The following HPSE2 variants were observed in gnomAD, a reference collection of about 807,000 sequenced individuals.
HPSE2 encodes the protein inactive heparanase-2.
In HPSE2, 38 loss-of-function variants were observed where a neutral mutation model predicts 60.5. That is an observed-to-expected ratio of 0.63 (90% confidence interval 0.48 to 0.82). HPSE2 has a LOEUF of 0.82. HPSE2 is among the 40% of genes least tolerant of loss of function. The pLI is 0.00. For synonymous variants in HPSE2, 295 were observed against 293.2 expected, an observed-to-expected ratio of 1.01 and a Z score of -0.06; for missense variants, 713 against 740.4, an observed-to-expected ratio of 0.96 and a Z score of 0.43.
intron 3 of HPSE2, among the ~76,000 whole-genome samples, chr10:98,969,469 G>A (rs1354868575): frequency 2.0e-5 from 3 of 152,120 alleles, no homozygotes; most frequent in African/African-American, 4.8e-5. Context: ...AATAGGAAAG[G>A]GAAAATCCCA....
At chr10:98,987,504 A>C (rs1228654524) in intron 3 of HPSE2, among the ~76,000 whole-genome samples, 1 of 152,222 alleles carries the variant, frequency 6.6e-6, no homozygotes, top group Non-Finnish European at 1.5e-5. Flanking sequence ...CAAAATAATA[A>C]GAGCTATCTA....
chr10:98,577,924 C>G (rs1564983276), intron 9 of HPSE2, among the ~76,000 whole-genome samples: 1 of 152,122 alleles, frequency 6.6e-6, no homozygotes, highest in African/African-American at 2.4e-5. Flanking sequence ...GTTAAGAAAC[C>G]TTTTCAGGAA....
intron 2 of HPSE2, among the ~76,000 whole-genome samples, chr10:99,149,495 C>T (rs1422579312): frequency 1.3e-5 from 2 of 152,186 alleles, no homozygotes; most frequent in African/African-American, 4.8e-5. Flanking sequence ...CACTAAATCT[C>T]TCAATGCATT....
At chr10:98,949,594 C>G (rs565027460) in intron 3 of HPSE2, among the ~76,000 whole-genome samples, 1 of 152,212 alleles carries the variant, frequency 6.6e-6, no homozygotes, top group African/African-American at 2.4e-5. Context: ...ATTCCTGAGC[C>G]TCAATTGCAC....
At position 98,899,072 on chromosome 10, in the gene HPSE2, T is replaced by C. The variant is rs367845221; in HGVS notation, c.611-155016A>G. On this transcript the variant is annotated intron_variant, in intron 3 of 11. Coordinates refer to ENST00000370552, the MANE Select transcript of HPSE2 (RefSeq NM_021828.5). ...GAAAAACTTTGTGCCTTGGCTTAGA[T>C]AAATTTTTTCTGCAAAGGGCAAAAA... 1.1e-4 allele frequency among the ~76,000 whole-genome samples: 16 copies of C among 152,362 alleles called. No homozygotes were observed. In the East Asian group the frequency reaches 1.5e-3, roughly 15 times the overall value.
intron 9 of HPSE2, among the ~76,000 whole-genome samples, chr10:98,519,667 T>C (rs561454449): frequency 3.3e-5 from 5 of 152,332 alleles, no homozygotes; most frequent in African/African-American, 9.6e-5. Context: ...TGCTAGCATC[T>C]TTCTGGCTAC....
intron 6 of HPSE2, among the ~76,000 whole-genome samples, chr10:98,664,116 C>A (rs1947296899): frequency 6.6e-6 from 1 of 152,036 alleles, no homozygotes. Context: ...CTGGTAGGCA[C>A]CCAGATGGCA....
intron 2 of HPSE2, among the ~76,000 whole-genome samples, chr10:99,147,646 C>T (rs111781875): frequency 7.9e-5 from 12 of 151,998 alleles, no homozygotes; most frequent in Non-Finnish European, 1.8e-4. Context: ...AAACGTATGC[C>T]CTAAACTTTA....
At chr10:99,165,081 C>CAAA (rs56263581) in intron 2 of HPSE2, among the ~76,000 whole-genome samples, 157 of 65,480 alleles carry the variant, frequency 2.4e-3, no homozygotes, top group Middle Eastern at 9.3e-3. Flanking sequence ...GACTCGGTCT[C>CAAA]AAAAAAAAAA....
chr10:98,583,192 T>C (rs11189688), intron 9 of HPSE2, among the ~76,000 whole-genome samples: 91,981 of 151,380 alleles, frequency 0.61, 28,171 homozygotes, highest in Middle Eastern at 0.7. Flanking sequence ...ACCCTGATCT[T>C]CTACACCCAA....
chr10:98,578,963 A>T (rs891040942), intron 9 of HPSE2, among the ~76,000 whole-genome samples: 1 of 152,228 alleles, frequency 6.6e-6, no homozygotes. Context: ...GCCATTGAAA[A>T]AAGACTTTCC....
At chr10:98,559,969 G>A (rs1944124306) in intron 9 of HPSE2, among the ~76,000 whole-genome samples, 1 of 152,156 alleles carries the variant, frequency 6.6e-6, no homozygotes, top group Non-Finnish European at 1.5e-5. Context: ...GTGCCTGTAT[G>A]TCCTAAAAGG....
At chr10:99,221,033 C>T (rs1286495827) in intron 2 of HPSE2, among the ~76,000 whole-genome samples, 2 of 151,796 alleles carry the variant, frequency 1.3e-5, no homozygotes, top group Admixed American at 6.6e-5. Context: ...TTAGTAGAGA[C>T]GGGGTTTCAC....
At chr10:99,162,036 TGAAGAGTTATTTTTTAATAGG>T (rs1846865343) in intron 2 of HPSE2, among the ~76,000 whole-genome samples, 1 of 152,136 alleles carries the variant, frequency 6.6e-6, no homozygotes. Context: ...AGAATGGGTA[TGAAGAGTTATTTTTTAATAGG>T]TACAGAGTTT....
intron 6 of HPSE2, among the ~76,000 whole-genome samples, chr10:98,693,076 A>C (rs554667052): frequency 5.3e-5 from 8 of 152,358 alleles, no homozygotes; most frequent in Middle Eastern, 3.4e-3. Flanking sequence ...GAAGGGTTAG[A>C]GTAATTGAGA....
At chr10:98,506,292 C>T (rs7081011) in intron 9 of HPSE2, among the ~76,000 whole-genome samples, 9,635 of 151,994 alleles carry the variant, frequency 0.063, 333 homozygotes, top group South Asian at 0.1. Context: ...AATGTGAAAA[C>T]CTTTTCAGTT....
chr10:98,493,578 A>C (rs1176039166), intron 9 of HPSE2, among the ~76,000 whole-genome samples: 1 of 152,100 alleles, frequency 6.6e-6, no homozygotes, highest in Non-Finnish European at 1.5e-5. Flanking sequence ...TAAAATTTAA[A>C]ATCTATTTTG....
chr10:99,215,030 C>T (rs1294036287), intron 2 of HPSE2, among the ~76,000 whole-genome samples: 2 of 152,116 alleles, frequency 1.3e-5, no homozygotes, highest in African/African-American at 4.8e-5. Flanking sequence ...GACAGTGCAC[C>T]AATTCCTCAA....
chr10:99,012,199 TA>T (rs1356465392), intron 3 of HPSE2, among the ~76,000 whole-genome samples: 1 of 152,168 alleles, frequency 6.6e-6, no homozygotes, highest in African/African-American at 2.4e-5. Context: ...TTGATAATTT[TA>T]ATCACAATTT....
Sources: allele counts gnomAD v4.1 joint callset (sites outside exome capture counted in the v4.1 genomes callset), GRCh38; gene constraint gnomAD v4.1.1; transcripts MANE v1.5; gene names NCBI Gene and HGNC (gene_info 2026-07-23, HGNC 2026-07-21).